Variants in PES1 observed in about 807,000 individuals in gnomAD.
The protein encoded by PES1 is pescadillo ribosomal biogenesis factor 1.
A neutral mutation model predicts 77.1 loss-of-function variants in PES1; 31 were observed. The observed-to-expected ratio is 0.40, with a 90% CI of 0.30 to 0.54. PES1 has a LOEUF of 0.54. Ranked by LOEUF, PES1 falls within the 20% of genes least tolerant of loss-of-function variation. The pLI, the probability that PES1 is intolerant of heterozygous loss-of-function variation, is 0.45. For missense variants in PES1, 658 were observed against 771.7 expected (o/e 0.85, Z 1.75); for synonymous variants, 282 against 303.0 (o/e 0.93, Z 0.72).
At chr22:30,587,118 G>T in intron 4 of PES1, 168 bp downstream of exon 4, 1 of 600,502 alleles carries the variant, frequency 1.7e-6, no homozygotes, top group Admixed American at 3.0e-5. Context: ...TACAAACCTC[G>T]TAATCATTAT....
intron 3 of PES1, among the ~76,000 whole-genome samples, 198 bp downstream of exon 3, chr22:30,587,823 A>T (rs1458312537): frequency 6.6e-6 from 1 of 152,148 alleles, no homozygotes; most frequent in Non-Finnish European, 1.5e-5. Context: ...CACCCAGAAA[A>T]ATGCAACGGA....
At chr22:30,592,368 G>A, upstream of PES1, 1 of 988,508 alleles carries the variant, frequency 1.0e-6, no homozygotes, top group Middle Eastern at 2.9e-4. Flanking sequence ...ACCGGCTTCG[G>A]GTTCTCTTTG....
At chr22:30,583,630 G>C (rs1306446532) in intron 6 of PES1, among the ~76,000 whole-genome samples, 1 of 152,218 alleles carries the variant, frequency 6.6e-6, no homozygotes, top group Non-Finnish European at 1.5e-5. Context: ...ATTTCAAAGA[G>C]ATAAAGAAAA....
chr22:30,584,083 A>T, intron 6 of PES1: 1 of 467,958 alleles, frequency 2.1e-6, no homozygotes, highest in Non-Finnish European at 3.9e-6. Flanking sequence ...AAGGCCAAGC[A>T]CCAGGCACTG....
At chr22:30,580,021 A>C (rs1397743450) in intron 11 of PES1, 32 bp downstream of exon 11, 1 of 1,612,376 alleles carries the variant, frequency 6.2e-7, no homozygotes, top group Admixed American at 1.7e-5. Context: ...CAGGATACCC[A>C]GAAATCCGGA....
chr22:30,598,743 TTTTA>T (rs765537792), intron 2 of PES1, among the ~76,000 whole-genome samples: 15 of 152,104 alleles, frequency 9.9e-5, no homozygotes, highest in Non-Finnish European at 1.6e-4. Flanking sequence ...GCTGTAAGAT[TTTTA>T]TTTGTGTATA....
intron 1 of PES1, chr22:30,606,775 C>T: frequency 1.1e-6 from 1 of 932,194 alleles, no homozygotes; most frequent in Non-Finnish European, 1.3e-6. Flanking sequence ...GGAGGCGGTG[C>T]TGAAAAACAG....
Position 30,587,325 on chromosome 22 carries a change from T to C in PES1, c.329A>G (p.Asn110Ser), listed in dbSNP as rs201361163. ...GTGGTCGAGTTTGTAGTTGGGCTTA[T>C]TGTCCTTTAAACGCTCTACAGTGTT... ...EWNTVERLKD[N>S]KPNYKLDHII... The change falls in exon 4 of 15, where the codon AAT (asparagine) becomes AGT (serine). Residue 110 changes from asparagine (N) to serine (S), a missense_variant. Coordinates refer to ENST00000354694, the MANE Select transcript of PES1 (RefSeq NM_014303.4). The C allele has an allele frequency of 5.6e-5, 90 of 1,613,684 alleles. No individual in the cohort carries two copies. In the East Asian group the frequency reaches 1.8e-3, roughly 33 times the overall value.
At chr22:30,602,943 C>A (rs1272410714) in intron 2 of PES1, among the ~76,000 whole-genome samples, 1 of 152,050 alleles carries the variant, frequency 6.6e-6, no homozygotes, top group African/African-American at 2.4e-5. Context: ...AGGAGTCTCG[C>A]TCTGTTGTCC....
At chr22:30,591,913 C>A, upstream of PES1, 1 of 1,501,928 alleles carries the variant, frequency 6.7e-7, no homozygotes, top group South Asian at 1.3e-5. Flanking sequence ...CCAAGGACCC[C>A]GAGGACCCTC....
chr22:30,607,004 C>A, exon 1 of PES1: 1 of 619,420 alleles, frequency 1.6e-6, no homozygotes, highest in Non-Finnish European at 2.4e-6. Flanking sequence ...GCGCTGGTCC[C>A]GGGCTCTTTA....
intron 14 of PES1, among the ~76,000 whole-genome samples, chr22:30,577,590 G>A (rs2086920547): frequency 1.3e-5 from 2 of 152,118 alleles, no homozygotes; most frequent in African/African-American, 2.4e-5. Flanking sequence ...AGCCTCAAAC[G>A]ATCCTCCCAC....
chr22:30,585,994 C>T (rs2087082447), intron 4 of PES1, among the ~76,000 whole-genome samples: 1 of 152,218 alleles, frequency 6.6e-6, no homozygotes, highest in Admixed American at 6.5e-5. Context: ...TTTCCTCACT[C>T]TCCACCTCAC....
intron 2 of PES1, chr22:30,598,292 G>A (rs2087296613): frequency 6.6e-6 from 1 of 152,068 alleles, no homozygotes; most frequent in Non-Finnish European, 1.5e-5. Context: ...GCATCAGAAG[G>A]AACAAACTCC....
At position 30,584,567 on chromosome 22, in the gene PES1, G is replaced by A. The variant is rs768386793; in HGVS notation, c.519C>T (p.Ile173=). 7.4e-6 allele frequency: 12 copies of A among 1,611,916 alleles called. No individual in the cohort carries two copies. In the East Asian group the frequency reaches 1.1e-4, roughly 15 times the overall value. The change falls in exon 5 of 15, where the codon ATC becomes ATT. Residue 173 remains isoleucine, a synonymous_variant. Coordinates refer to ENST00000354694, the MANE Select transcript of PES1 (RefSeq NM_014303.4). ...TCACCTTGCGCAGGGCACGGGCAGC[G>A]ATAATGTAGTGCATGAACTCCACAG... The part of the protein sequence containing the change: ...RLTVEFMHYI[I]AARALRKVFL...
Position 30,587,417 on chromosome 22 carries a change from C to T in PES1, c.259-22G>A, listed in dbSNP as rs201215725. 2.0e-5 allele frequency: 32 copies of T among 1,565,204 alleles called. No individual in the cohort carries two copies. In the African/African-American group the frequency reaches 2.7e-4, roughly 13 times the overall value. ...ACACCTGGAAGAAAGAAAGAAAACA[C>T]CTCAATGCTGAGGCTCAGGTCTCCT... is the stretch of plus-strand genomic sequence containing the variant. On this transcript the variant is annotated intron_variant, in intron 3 of 14. Coordinates refer to ENST00000354694, the MANE Select transcript of PES1 (RefSeq NM_014303.4).
rs2087050966 is a variant in PES1 at position 30,584,802 on chromosome 22, C to A, written c.369-85G>T. 1.7e-5 allele frequency: 24 copies of A among 1,403,430 alleles called. No individual in the cohort carries two copies. In the South Asian group the frequency reaches 2.1e-4, roughly 12 times the overall value. 86.9% of individuals were successfully genotyped at this position (1,403,430 alleles called of 1,614,324 possible). ...TGATCTCCTTATCCCACCCCAGATGCCCCGTTCCTCAAGCCAGGCCTCACC... is the reference window on the plus strand; with the variant it reads ...TGATCTCCTTATCCCACCCCAGATGACCCGTTCCTCAAGCCAGGCCTCACC... On this transcript the variant is annotated intron_variant, in intron 4 of 14. Transcript: ENST00000354694.
In PES1 at chr22:30,601,795, C is replaced by T. The variant is rs916180331; in HGVS notation, c.-661+3666G>A. 1.5e-4 allele frequency: 22 copies of T among 147,418 alleles called. 4 individuals carry two copies. The highest frequency in any genetic ancestry group is 1.4e-3 in the Admixed American group (20 of 14,776). 9.1% of individuals were successfully genotyped at this position (147,418 alleles called of 1,614,324 possible). ...TGAACTTTTTTTTTTTTTTTCCAGA[C>T]ACAGTCTCGCTCTGTTTCCCAGGCT... On this transcript the variant is annotated intron_variant, in intron 2 of 16. Coordinates refer to the PES1 transcript ENST00000402281.
At chr22:30,596,760 C>T (rs575192507), upstream of PES1, among the ~76,000 whole-genome samples, 22 of 152,336 alleles carry the variant, frequency 1.4e-4, no homozygotes, top group Middle Eastern at 3.4e-3. Flanking sequence ...ATTCTGGCCA[C>T]GCTTGAGGAG....
Sources: gnomAD v4.1 joint callset for allele counts (sites outside exome capture counted in the v4.1 genomes callset) on GRCh38, gnomAD v4.1.1 for gene constraint, MANE v1.5 for transcripts, NCBI Gene and HGNC (gene_info 2026-07-23, HGNC 2026-07-21) for gene names.